FTO: variants seen among roughly 807,000 people sequenced by gnomAD.
The protein encoded by FTO is FTO alpha-ketoglutarate dependent dioxygenase.
In FTO, 47 loss-of-function variants were observed where a neutral mutation model predicts 63.9. The observed-to-expected ratio is 0.74, with a 90% CI of 0.58 to 0.94. The LOEUF (loss-of-function observed/expected upper bound fraction) is 0.94, where lower values mean the gene tolerates loss of function less well. FTO is among the 40% of genes least tolerant of loss of function. FTO has a pLI of 0.00. For missense variants in FTO, 562 were observed against 618.1 expected, an observed-to-expected ratio of 0.91 and a Z score of 0.96; for synonymous variants, 207 against 224.4, an observed-to-expected ratio of 0.92 and a Z score of 0.69.
chr16:54,111,781 C>T lies in FTO; in HGVS notation c.1384C>T (p.Arg462Ter), dbSNP rs141983035. The change falls in exon 9 of 9, where the codon CGA (arginine) becomes TGA (stop). Residue 462 changes from arginine to a stop codon, truncating the protein, a stop_gained. Coordinates refer to ENST00000471389, the MANE Select transcript of FTO (RefSeq NM_001080432.3). LOFTEE classifies it high-confidence loss of function. ...TTCCAGGTGCCAGTCACGAATTGCC[C>T]GAACATTACCTGCTGATCAGAAGCC... ...WHARCQSRIA[R>*]TLPADQKPEC... is the part of the protein sequence containing the mutation. The T allele has an allele frequency of 6.8e-6, 11 of 1,614,020 alleles. No homozygotes were observed. Among genetic ancestry groups the T allele is most frequent in the African/African-American group, 4.0e-5 (3 of 74,968 alleles).
intron 1 of FTO, among the ~76,000 whole-genome samples, chr16:53,790,178 A>G (rs2077870549): frequency 6.6e-6 from 1 of 151,882 alleles, no homozygotes; most frequent in Non-Finnish European, 1.5e-5. Flanking sequence ...AACAAGTGGT[A>G]TTAAGTTCAT....
chr16:53,851,865 C>T (rs1042530617), intron 4 of FTO, among the ~76,000 whole-genome samples: 4 of 151,962 alleles, frequency 2.6e-5, no homozygotes, highest in Admixed American at 2.6e-4. Flanking sequence ...AAAACTCCAC[C>T]TATCCCCAAG....
At chr16:53,704,297 C>T in intron 1 of FTO, 68 bp downstream of exon 1, 1 of 1,493,212 alleles carries the variant, frequency 6.7e-7, no homozygotes, top group Non-Finnish European at 9.1e-7. Context: ...ACCGGAAGGG[C>T]TTGGTTTGAT....
chr16:54,113,116 A>T lies in FTO; in HGVS notation c.*1201A>T, dbSNP rs561527567. The T allele has an allele frequency of 4.0e-4, 61 of 152,378 alleles. No homozygotes were observed. Among genetic ancestry groups the T allele is most frequent in the African/African-American group, 1.4e-3 (60 of 41,586 alleles). The allele number at this position is 152,378 out of a possible 1,614,324, so 9.4% of individuals were successfully genotyped here. A position where few individuals can be genotyped will look rare whatever the true frequency, so the allele number is the denominator to read the frequency against. On this transcript the variant is annotated 3_prime_UTR_variant, in exon 9 of 9. Transcript: ENST00000471389. Reference sequence around the variant, plus strand: ...AACAATTTCCAGCACATAGTTAAATATCCAGGAAATTCTGGTACTGTTATG... The same window carrying T: ...AACAATTTCCAGCACATAGTTAAATTTCCAGGAAATTCTGGTACTGTTATG...
At chr16:53,983,041 C>T (rs1332013252) in intron 8 of FTO, among the ~76,000 whole-genome samples, 1 of 152,064 alleles carries the variant, frequency 6.6e-6, no homozygotes, top group Non-Finnish European at 1.5e-5. Context: ...TACCCCGAGC[C>T]TCACATGGTA....
intron 8 of FTO, among the ~76,000 whole-genome samples, chr16:54,013,148 C>G (rs1189297229): frequency 1.3e-5 from 2 of 152,192 alleles, no homozygotes; most frequent in Non-Finnish European, 2.9e-5. Context: ...AAAATATCAG[C>G]ATTAACAGGA....
At chr16:53,830,316 G>T (rs1377642439) in intron 3 of FTO, among the ~76,000 whole-genome samples, 1 of 152,144 alleles carries the variant, frequency 6.6e-6, no homozygotes, top group South Asian at 2.1e-4. Flanking sequence ...TCCTATTCCA[G>T]CTTTGCTGGC....
intron 6 of FTO, among the ~76,000 whole-genome samples, chr16:53,885,772 A>T (rs1354633774): frequency 6.6e-6 from 1 of 152,244 alleles, no homozygotes; most frequent in East Asian, 1.9e-4. Context: ...TTTTAGAGAC[A>T]TGGCCTCACT....
intron 8 of FTO, among the ~76,000 whole-genome samples, chr16:54,102,420 A>G (rs2086659513): frequency 6.6e-6 from 1 of 152,186 alleles, no homozygotes; most frequent in African/African-American, 2.4e-5. Context: ...CTCATGAAAA[A>G]TAACAATCAG....
intron 8 of FTO, chr16:54,039,409 A>G (rs2085020584): frequency 6.6e-6 from 1 of 152,224 alleles, no homozygotes; most frequent in Admixed American, 6.5e-5. Context: ...AGCTATAGAG[A>G]TCAAGAAGGA....
chr16:53,833,703 G>A (rs1420552513), intron 3 of FTO, among the ~76,000 whole-genome samples: 2 of 152,028 alleles, frequency 1.3e-5, no homozygotes, highest in Non-Finnish European at 1.5e-5. Context: ...CTGGCAATGC[G>A]CAAGGGCTCT....
chr16:53,997,147 AG>A (rs1555500912), intron 8 of FTO, among the ~76,000 whole-genome samples: 1 of 86,068 alleles, frequency 1.2e-5, no homozygotes, highest in Non-Finnish European at 2.4e-5. Flanking sequence ...AAAGAAAGAG[AG>A]AGAGAGAGAG....
intron 2 of FTO, among the ~76,000 whole-genome samples, chr16:53,813,034 G>A (rs1271577817): frequency 6.6e-6 from 1 of 152,068 alleles, no homozygotes. Flanking sequence ...GGTACAGGAA[G>A]AATGAGATAC....
intron 4 of FTO, among the ~76,000 whole-genome samples, chr16:53,857,468 T>TG (rs34270264): frequency 5.6e-5 from 7 of 124,830 alleles, no homozygotes; most frequent in Non-Finnish European, 9.3e-5. Flanking sequence ...CTCTCTCTCT[T>TG]TCTATATATA....
In FTO at chr16:53,732,071, C is replaced by T. The variant is rs748836460; in HGVS notation, c.45+27842C>T. ...TTTTTTTTTTTTTTTTTTTTTGAGA[C>T]GGAGTCTCGCTCTGTCGCCCAGGCT... is the stretch of plus-strand genomic sequence containing the variant. On this transcript the variant is annotated intron_variant, in intron 1 of 8. Transcript: ENST00000471389. Among the ~76,000 whole-genome samples the T allele has an allele frequency of 8.8e-4, 91 of 103,908 alleles. No homozygotes were observed. The Middle Eastern group carries it at 0.031, about 35-fold the overall frequency. 68.2% of individuals were successfully genotyped at this position (103,908 alleles called of 152,430 possible).
intron 8 of FTO, among the ~76,000 whole-genome samples, chr16:54,090,309 T>C (rs1211609903): frequency 6.6e-6 from 1 of 152,194 alleles, no homozygotes; most frequent in Admixed American, 6.5e-5. Context: ...TGATTTAACT[T>C]ACATAGAATA....
chr16:53,840,373 C>G (rs894217873), intron 3 of FTO, among the ~76,000 whole-genome samples: 2 of 152,192 alleles, frequency 1.3e-5, no homozygotes, highest in Admixed American at 1.3e-4. Flanking sequence ...TGTATGCTGT[C>G]ATTAGTCATG....
At chr16:53,990,827 C>G (rs1358670277) in intron 8 of FTO, among the ~76,000 whole-genome samples, 1 of 151,926 alleles carries the variant, frequency 6.6e-6, no homozygotes, top group Non-Finnish European at 1.5e-5. Flanking sequence ...GCCACCACGC[C>G]TGGCTAATTT....
chr16:53,785,925 A>AAG (rs2077726275), intron 1 of FTO, among the ~76,000 whole-genome samples: 1 of 151,948 alleles, frequency 6.6e-6, no homozygotes, highest in African/African-American at 2.4e-5. Flanking sequence ...AAAAAAAAAA[A>AAG]AAAAAGAAAG....
Sources: allele counts gnomAD v4.1 joint callset (sites outside exome capture counted in the v4.1 genomes callset), GRCh38; gene constraint gnomAD v4.1.1; transcripts MANE v1.5; gene names NCBI Gene and HGNC (gene_info 2026-07-23, HGNC 2026-07-21).